ADAM22: variants seen among roughly 807,000 people sequenced by gnomAD.
The protein encoded by ADAM22 is disintegrin and metalloproteinase domain-containing protein 22.
In ADAM22, 65 loss-of-function variants were observed where a neutral mutation model predicts 144.6. The ratio of observed to expected loss-of-function variants is 0.45; its 90% CI spans 0.37 to 0.55. The LOEUF is 0.55. Among genes scored for constraint, ADAM22 ranks in the 20% least tolerant of loss-of-function variants. The probability of loss-of-function intolerance (pLI) is 0.00; values close to 1 mark genes in which losing one functional copy is unlikely to be tolerated. For missense variants in ADAM22, 974 were observed against 1,184.9 expected (o/e 0.82, Z 2.61); for synonymous variants, 391 against 412.6 (o/e 0.95, Z 0.63).
intron 4 of ADAM22, among the ~76,000 whole-genome samples, chr7:88,107,647 A>G (rs931293328): frequency 6.6e-6 from 1 of 152,028 alleles, no homozygotes; most frequent in African/African-American, 2.4e-5. Flanking sequence ...GTGCAGTAGC[A>G]CAATCACAGC....
At chr7:87,944,723 A>G (rs1281901820) in intron 2 of ADAM22, among the ~76,000 whole-genome samples, 2 of 152,130 alleles carry the variant, frequency 1.3e-5, no homozygotes, top group Non-Finnish European at 2.9e-5. Context: ...TTCTGGCTCA[A>G]CTAGAAAGAG....
At chr7:87,953,205 G>A (rs561640851) in intron 2 of ADAM22, among the ~76,000 whole-genome samples, 40 of 151,554 alleles carry the variant, frequency 2.6e-4, no homozygotes, top group Non-Finnish European at 4.3e-4. Flanking sequence ...GTTTGTTCTT[G>A]CTTTTCTAGT....
chr7:88,005,888 CA>C (rs775458277), intron 3 of ADAM22, among the ~76,000 whole-genome samples: 7 of 151,972 alleles, frequency 4.6e-5, no homozygotes, highest in Non-Finnish European at 8.8e-5. Context: ...ACAAGTACCA[CA>C]AAAACCTACA....
intron 2 of ADAM22, among the ~76,000 whole-genome samples, chr7:87,954,315 G>A (rs1420260622): frequency 6.6e-6 from 1 of 151,882 alleles, no homozygotes; most frequent in African/African-American, 2.4e-5. Flanking sequence ...GCTTCCTTTA[G>A]GAGCTCTTTT....
intron 3 of ADAM22, among the ~76,000 whole-genome samples, chr7:87,995,431 G>A (rs1191411455): frequency 6.6e-6 from 1 of 152,116 alleles, no homozygotes; most frequent in African/African-American, 2.4e-5. Flanking sequence ...TGTTTTCCTA[G>A]CCTAGTGGTT....
intron 22 of ADAM22, among the ~76,000 whole-genome samples, chr7:88,162,353 G>A (rs1342722489): frequency 6.6e-6 from 1 of 152,042 alleles, no homozygotes; most frequent in Non-Finnish European, 1.5e-5. Context: ...ATGAGGAGGA[G>A]GGAGTGGATG....
chr7:88,126,439 T>C (rs1209031067), intron 8 of ADAM22, among the ~76,000 whole-genome samples: 1 of 152,008 alleles, frequency 6.6e-6, no homozygotes, highest in Non-Finnish European at 1.5e-5. Context: ...TTCTTTTTAT[T>C]ACCTTGAAAT....
chr7:88,125,389 C>G (rs1046789679), intron 7 of ADAM22, among the ~76,000 whole-genome samples, 200 bp from the exon 8 acceptor site: 3 of 151,702 alleles, frequency 2.0e-5, no homozygotes, highest in African/African-American at 7.3e-5. Context: ...AAATAATGTT[C>G]TAGATTTTGC....
intron 3 of ADAM22, among the ~76,000 whole-genome samples, chr7:88,027,173 A>G (rs1799194336): frequency 6.6e-6 from 1 of 152,042 alleles, no homozygotes; most frequent in African/African-American, 2.4e-5. Context: ...TTCATCAGGG[A>G]CGTTGGCCTG....
intron 7 of ADAM22, among the ~76,000 whole-genome samples, chr7:88,118,714 G>A (rs536676793): frequency 6.7e-6 from 1 of 149,340 alleles, no homozygotes; most frequent in Non-Finnish European, 1.5e-5. Context: ...CTTTCCAGCA[G>A]AAACTTTGAT....
intron 3 of ADAM22, among the ~76,000 whole-genome samples, chr7:88,015,935 CCTT>C (rs1051201767): frequency 1.6e-4 from 20 of 123,770 alleles, no homozygotes; most frequent in African/African-American, 2.4e-4. Flanking sequence ...GCTTTCAAAT[CCTT>C]CTTTTTTTTT....
intron 8 of ADAM22, among the ~76,000 whole-genome samples, 160 bp downstream of exon 8, chr7:88,125,819 A>G (rs1830274431): frequency 6.6e-6 from 1 of 152,014 alleles, no homozygotes; most frequent in Admixed American, 6.6e-5. Context: ...AGCAGTAGAA[A>G]GGGGGCCATG....
At chr7:88,115,718 A>T (rs191041481) in intron 6 of ADAM22, among the ~76,000 whole-genome samples, 49 of 152,268 alleles carry the variant, frequency 3.2e-4, no homozygotes, top group Admixed American at 1.4e-3. Context: ...TCCACAACAA[A>T]TCAAATCCAC....
At chr7:88,184,590 T>C (rs1256384112) in intron 29 of ADAM22, among the ~76,000 whole-genome samples, 1 of 152,180 alleles carries the variant, frequency 6.6e-6, no homozygotes, top group African/African-American at 2.4e-5. Flanking sequence ...AGAGCTCCCC[T>C]ATCCCATCTA....
At chr7:88,013,059 A>G (rs1182036834) in intron 3 of ADAM22, among the ~76,000 whole-genome samples, 1 of 152,194 alleles carries the variant, frequency 6.6e-6, no homozygotes, top group East Asian at 1.9e-4. Context: ...AAGTATGGGA[A>G]CGCCCCCTAA....
At chr7:88,055,509 A>AT (rs1807979235) in intron 3 of ADAM22, among the ~76,000 whole-genome samples, 1 of 152,090 alleles carries the variant, frequency 6.6e-6, no homozygotes, top group Non-Finnish European at 1.5e-5. Context: ...ATATTTAGGA[A>AT]CGATCTCGGT....
intron 18 of ADAM22, among the ~76,000 whole-genome samples, chr7:88,150,526 T>A (rs1247014361): frequency 2.6e-5 from 4 of 152,192 alleles, no homozygotes. Flanking sequence ...TTTCTTCTCA[T>A]GGCAAAAGAA....
chr7:88,037,882 C>T (rs1235043373), intron 3 of ADAM22, among the ~76,000 whole-genome samples: 1 of 152,148 alleles, frequency 6.6e-6, no homozygotes, highest in Non-Finnish European at 1.5e-5. Context: ...CAGTGGGAAA[C>T]TTTGTGCCAA....
chr7:88,051,186 C>A (rs955898917), intron 3 of ADAM22, among the ~76,000 whole-genome samples: 1 of 152,162 alleles, frequency 6.6e-6, no homozygotes, highest in Non-Finnish European at 1.5e-5. Context: ...TTTGACCCAG[C>A]CATCCCATTA....
Sources: allele counts gnomAD v4.1 joint callset (sites outside exome capture counted in the v4.1 genomes callset), GRCh38; gene constraint gnomAD v4.1.1; transcripts MANE v1.5; gene names NCBI Gene and HGNC (gene_info 2026-07-23, HGNC 2026-07-21).